The following NRXN3 variants were observed in gnomAD, a reference collection of about 807,000 sequenced individuals.
NRXN3 encodes the protein neurexin III.
Under a neutral mutation model 137.6 loss-of-function variants are expected in NRXN3, and 32 were observed. The observed-to-expected ratio is 0.23, with a 90% CI of 0.18 to 0.31. The LOEUF (loss-of-function observed/expected upper bound fraction) is 0.31, where lower values mean the gene tolerates loss of function less well. Among genes scored for constraint, NRXN3 ranks in the 10% least tolerant of loss-of-function variants. The pLI is 1.00. For synonymous variants in NRXN3, 798 were observed against 784.5 expected, an observed-to-expected ratio of 1.02 and a Z score of -0.29; for missense variants, 1,574 against 2,062.5, an observed-to-expected ratio of 0.76 and a Z score of 4.59.
intron 10 of NRXN3, among the ~76,000 whole-genome samples, chr14:78,824,098 T>G (rs215513): frequency 0.77 from 109,381 of 141,200 alleles, 46,241 homozygotes; most frequent in Non-Finnish European, 0.95. Flanking sequence ...ATGGGTCACC[T>G]GCTTCTTTTT....
chr14:79,059,892 A>G (rs570946958), intron 15 of NRXN3, among the ~76,000 whole-genome samples: 1 of 152,340 alleles, frequency 6.6e-6, no homozygotes, highest in South Asian at 2.1e-4. Flanking sequence ...CTCGAATCAG[A>G]CAGCACTTCT....
chr14:79,204,982 A>G (rs1412634810), intron 15 of NRXN3, among the ~76,000 whole-genome samples: 1 of 152,168 alleles, frequency 6.6e-6, no homozygotes, highest in East Asian at 1.9e-4. Flanking sequence ...AAAGAGCATT[A>G]CCAACTGAGA....
At chr14:78,427,608 A>G (rs1055549459) in intron 4 of NRXN3, among the ~76,000 whole-genome samples, 1 of 152,238 alleles carries the variant, frequency 6.6e-6, no homozygotes, top group African/African-American at 2.4e-5. Context: ...GGTGGGTCCC[A>G]GAAGGGGTTG....
chr14:78,839,359 C>T (rs1461109313), intron 10 of NRXN3, among the ~76,000 whole-genome samples: 1 of 152,142 alleles, frequency 6.6e-6, no homozygotes, highest in Non-Finnish European at 1.5e-5. Flanking sequence ...TGGAAAGGGT[C>T]AGATAATGGA....
chr14:78,696,247 C>T (rs977484197), intron 6 of NRXN3, among the ~76,000 whole-genome samples: 5 of 152,004 alleles, frequency 3.3e-5, no homozygotes, highest in African/African-American at 1.2e-4. Context: ...TGAAGCCAGA[C>T]TTATCTCTAT....
intron 19 of NRXN3, among the ~76,000 whole-genome samples, chr14:79,723,761 C>A (rs1290626011): frequency 6.6e-6 from 1 of 152,126 alleles, no homozygotes; most frequent in African/African-American, 2.4e-5. Flanking sequence ...ATTTTCATCT[C>A]CTCACTGGCA....
At chr14:78,654,838 T>C (rs1472456520) in intron 6 of NRXN3, among the ~76,000 whole-genome samples, 2 of 152,220 alleles carry the variant, frequency 1.3e-5, no homozygotes, top group Non-Finnish European at 2.9e-5. Flanking sequence ...CACATGATTG[T>C]ACATTAATAA....
chr14:79,193,644 A>T (rs1053305740), intron 15 of NRXN3, among the ~76,000 whole-genome samples: 1 of 152,218 alleles, frequency 6.6e-6, no homozygotes, highest in Non-Finnish European at 1.5e-5. Flanking sequence ...GGCCAAAGTA[A>T]CTAATGGGCA....
intron 4 of NRXN3, among the ~76,000 whole-genome samples, chr14:78,433,805 A>G (rs999352039): frequency 8.5e-5 from 13 of 152,132 alleles, no homozygotes; most frequent in African/African-American, 2.7e-4. Flanking sequence ...CCAGTATTCT[A>G]TTATAGCAGT....
intron 10 of NRXN3, among the ~76,000 whole-genome samples, chr14:78,883,726 G>A (rs1165827517): frequency 6.6e-6 from 1 of 152,174 alleles, no homozygotes; most frequent in African/African-American, 2.4e-5. Flanking sequence ...GGGGTTAAGT[G>A]CCTTGCCTAA....
At chr14:79,265,176 A>T (rs1436816843) in intron 15 of NRXN3, among the ~76,000 whole-genome samples, 2 of 150,970 alleles carry the variant, frequency 1.3e-5, no homozygotes, top group Admixed American at 6.6e-5. Context: ...TAAATCAAAC[A>T]ACCAAAAATC....
chr14:78,520,684 T>C (rs1031496115), intron 4 of NRXN3, among the ~76,000 whole-genome samples: 1 of 152,234 alleles, frequency 6.6e-6, no homozygotes, highest in Non-Finnish European at 1.5e-5. Flanking sequence ...TTATTCCCTG[T>C]ATACTCACAA....
intron 15 of NRXN3, among the ~76,000 whole-genome samples, chr14:79,015,077 C>T (rs895300508): frequency 1.3e-5 from 2 of 152,130 alleles, no homozygotes; most frequent in Non-Finnish European, 2.9e-5. Context: ...ATGTCCCCAT[C>T]TCTTGGTGAC....
chr14:79,513,500 G>A (rs1262357777), intron 16 of NRXN3, among the ~76,000 whole-genome samples: 3 of 152,150 alleles, frequency 2.0e-5, no homozygotes, highest in African/African-American at 7.2e-5. Context: ...ACACAGCAGT[G>A]AATAAAAGAA....
At chr14:78,744,544 C>T (rs1041479414) in intron 8 of NRXN3, 1 of 152,276 alleles carries the variant, frequency 6.6e-6, no homozygotes, top group Non-Finnish European at 1.5e-5. Context: ...AGGGAACAAA[C>T]GTTGAAGGGA....
intron 4 of NRXN3, among the ~76,000 whole-genome samples, chr14:78,369,984 A>G (rs1048190726): frequency 2.0e-5 from 3 of 151,860 alleles, no homozygotes; most frequent in Middle Eastern, 6.8e-3. Context: ...AGTTAAATAT[A>G]TTACCAAGAA....
chr14:79,380,904 A>G (rs1298928702), intron 15 of NRXN3, among the ~76,000 whole-genome samples: 1 of 152,124 alleles, frequency 6.6e-6, no homozygotes. Context: ...TGTGCAGGTC[A>G]TGCTAAGTAT....
At chr14:79,843,586 T>A (rs540481432) in intron 20 of NRXN3, among the ~76,000 whole-genome samples, 1 of 152,310 alleles carries the variant, frequency 6.6e-6, no homozygotes, top group South Asian at 2.1e-4. Context: ...CTTTCAAAAT[T>A]GGAGTCAGTC....
chr14:79,249,138 G>C (rs2075609214), intron 15 of NRXN3: 1 of 152,180 alleles, frequency 6.6e-6, no homozygotes, highest in Non-Finnish European at 1.5e-5. Context: ...AACTTGCCCT[G>C]TAGGGAGTGT....
Sources: gnomAD v4.1 joint callset for allele counts (sites outside exome capture counted in the v4.1 genomes callset) on GRCh38, gnomAD v4.1.1 for gene constraint, MANE v1.5 for transcripts, NCBI Gene and HGNC (gene_info 2026-07-23, HGNC 2026-07-21) for gene names.